MTCH2: variants seen among roughly 807,000 people sequenced by gnomAD.
MTCH2 encodes mitochondrial carrier homolog 2.
MTCH2 carries 25 observed loss-of-function variants against 50.6 expected under a neutral mutation model. The observed-to-expected ratio is 0.49, with a 90% CI of 0.36 to 0.69. MTCH2 has a LOEUF of 0.69. MTCH2 is among the 30% of genes least tolerant of loss of function. The probability of loss-of-function intolerance (pLI) is 0.00; values close to 1 mark genes in which losing one functional copy is unlikely to be tolerated. For synonymous variants in MTCH2, 106 were observed against 132.0 expected (o/e 0.80, Z 1.35); for missense variants, 273 against 384.4 (o/e 0.71, Z 2.42).
rs1427495733 is a variant in MTCH2 at position 47,631,677 on chromosome 11, G to A, written c.404C>T (p.Thr135Ile). 1.2e-6 allele frequency: 2 copies of A among 1,614,124 alleles called. No homozygotes were observed. Among genetic ancestry groups the A allele is most frequent in the Admixed American group, 1.7e-5 (1 of 60,008 alleles). ...TREMIARSAA[T>I]LITHPFHVIT... ...ACCATGGAAGGGATGTGTGATGAGG[G>A]TAGCAGCAGAACGAGCGATCATCTC... is the stretch of plus-strand genomic sequence containing the variant. The change falls in exon 6 of 13, where the codon ACC (threonine) becomes ATC (isoleucine). Residue 135 changes from threonine (T) to isoleucine (I), a missense_variant. By Grantham distance (89) the Thr-to-Ile change is moderately conservative. This residue lies in a region of MTCH2 where 203 missense variants were observed against 244.3 expected (regional missense o/e 0.83). Transcript: ENST00000302503.
At chr11:47,629,309 TA>T in intron 8 of MTCH2, 1 of 388,962 alleles carries the variant, frequency 2.6e-6, no homozygotes, top group Non-Finnish European at 4.8e-6. Flanking sequence ...TTACTATTCA[TA>T]ACTGTAAGCA....
At chr11:47,630,988 T>C in intron 7 of MTCH2, 48 bp downstream of exon 7, 1 of 1,435,302 alleles carries the variant, frequency 7.0e-7, no homozygotes. Context: ...ATTCTAGTAC[T>C]TTGGCTTCAA....
the MTCH2 span, among the ~76,000 whole-genome samples, chr11:47,610,100 CATTCAGTGGAT>C: frequency 2.0e-5 from 3 of 152,248 alleles, no homozygotes; most frequent in South Asian, 4.1e-4. Context: ...TCCTCAAGGA[CATTCAGTGGAT>C]ATTCAGTGGA....
At position 47,638,948 on chromosome 11, in the gene MTCH2, A is replaced by G; in HGVS notation, c.172+19T>C. On this transcript the variant is annotated intron_variant, in intron 2 of 12. Transcript: ENST00000302503. ...AGTCCTCAACGTCATGCAAACCCAA[A>G]TAAATCAAAGGCACTTACCATAACT... The G allele has an allele frequency of 4.4e-6, 7 of 1,603,870 alleles. No homozygotes were observed. Among genetic ancestry groups the G allele is most frequent in the African/African-American group, 1.3e-5 (1 of 74,480 alleles).
chr11:47,633,114 C>CTTTT (rs11394531), intron 5 of MTCH2, among the ~76,000 whole-genome samples: 1 of 134,556 alleles, frequency 7.4e-6, no homozygotes, highest in Non-Finnish European at 1.6e-5. Flanking sequence ...TGTATCCCTG[C>CTTTT]TTTTTTTTTT....
chr11:47,636,887 A>C (rs892666311), intron 3 of MTCH2, among the ~76,000 whole-genome samples: 2 of 152,104 alleles, frequency 1.3e-5, no homozygotes, highest in Non-Finnish European at 2.9e-5. Context: ...CTTTGTCTCT[A>C]AAAAAATAAT....
chr11:47,606,765 G>A, the MTCH2 span, among the ~76,000 whole-genome samples: 1 of 152,196 alleles, frequency 6.6e-6, no homozygotes, highest in African/African-American at 2.4e-5. Context: ...CAGCACCAGG[G>A]GAGTCTTTCC....
At chr11:47,606,763 G>C in the MTCH2 span, among the ~76,000 whole-genome samples, 1 of 152,208 alleles carries the variant, frequency 6.6e-6, no homozygotes. Context: ...AACAGCACCA[G>C]GGGAGTCTTT....
chr11:47,641,708 A>C (rs1278976907), intron 1 of MTCH2, among the ~76,000 whole-genome samples: 3 of 152,200 alleles, frequency 2.0e-5, no homozygotes, highest in Non-Finnish European at 4.4e-5. Context: ...CAGCTTCACT[A>C]ATTTCCAGCT....
intron 11 of MTCH2, among the ~76,000 whole-genome samples, chr11:47,625,281 G>C (rs1457991088): frequency 2.6e-5 from 4 of 151,388 alleles, no homozygotes; most frequent in African/African-American, 9.7e-5. Flanking sequence ...ATATTAGCTG[G>C]GCATGGTGGC....
At chr11:47,637,635 G>A (rs1442804815) in intron 3 of MTCH2, among the ~76,000 whole-genome samples, 1 of 151,982 alleles carries the variant, frequency 6.6e-6, no homozygotes, top group African/African-American at 2.4e-5. Flanking sequence ...TCAATTGAGA[G>A]CTCCTTCTTG....
chr11:47,604,515 T>C, the MTCH2 span, among the ~76,000 whole-genome samples: 3 of 152,210 alleles, frequency 2.0e-5, no homozygotes, highest in Non-Finnish European at 4.4e-5. Flanking sequence ...TTCAGATACA[T>C]GCCCACTTGT....
chr11:47,606,367 T>G, the MTCH2 span, among the ~76,000 whole-genome samples: 1 of 152,190 alleles, frequency 6.6e-6, no homozygotes, highest in Non-Finnish European at 1.5e-5. Flanking sequence ...TCCTCTTGCT[T>G]GAACATAACC....
At chr11:47,624,780 A>T (rs2097296453) in intron 11 of MTCH2, among the ~76,000 whole-genome samples, 1 of 152,146 alleles carries the variant, frequency 6.6e-6, no homozygotes, top group Non-Finnish European at 1.5e-5. Context: ...CCCTATCTCT[A>T]AAAAAATTAA....
the MTCH2 span, among the ~76,000 whole-genome samples, chr11:47,610,788 G>C: frequency 1.3e-5 from 2 of 151,918 alleles, no homozygotes; most frequent in African/African-American, 4.8e-5. Flanking sequence ...ACTTTCCCAA[G>C]GTCTCACAGC....
At chr11:47,636,034 A>G (rs906015319) in intron 3 of MTCH2, among the ~76,000 whole-genome samples, 4 of 152,016 alleles carry the variant, frequency 2.6e-5, no homozygotes, top group African/African-American at 9.7e-5. Flanking sequence ...AGGCTGGGGC[A>G]GGAGAATCAC....
At chr11:47,629,091 G>A (rs751203788) in intron 8 of MTCH2, 45 bp from the exon 9 acceptor site, 5 of 1,459,730 alleles carry the variant, frequency 3.4e-6, no homozygotes, top group Non-Finnish European at 4.7e-6. Context: ...AATGTGATCA[G>A]TAACATGACA....
the MTCH2 span, among the ~76,000 whole-genome samples, chr11:47,611,254 G>A: frequency 6.6e-6 from 1 of 152,248 alleles, no homozygotes; most frequent in Non-Finnish European, 1.5e-5. Flanking sequence ...CTAAATGTGA[G>A]CCCCTCAGGG....
intron 1 of MTCH2, among the ~76,000 whole-genome samples, chr11:47,641,261 T>TC: frequency 6.6e-6 from 1 of 152,348 alleles, no homozygotes; most frequent in Admixed American, 6.5e-5. Flanking sequence ...GTGCCAATTC[T>TC]GTTTTGGATG....
Sources: allele counts gnomAD v4.1 joint callset (sites outside exome capture counted in the v4.1 genomes callset), GRCh38; gene constraint gnomAD v4.1.1; regional missense constraint gnomAD v4.1.1; transcripts MANE v1.5; gene names NCBI Gene and HGNC (gene_info 2026-07-23, HGNC 2026-07-21).